The following ZNF559 variants were observed in gnomAD, a reference collection of about 807,000 sequenced individuals.
The protein encoded by ZNF559 is zinc finger protein 559, also known as putative protein product of Nbla00121.
In ZNF559, 17 loss-of-function variants were observed where a neutral mutation model predicts 14.2. The ratio of observed to expected loss-of-function variants is 1.20; its 90% CI spans 0.82 to 1.80. The LOEUF (loss-of-function observed/expected upper bound fraction) is 1.80. ZNF559 is among the 40% of genes most tolerant of loss of function. The pLI, the probability that ZNF559 is intolerant of heterozygous loss-of-function variation, is 0.00. For synonymous variants in ZNF559, 244 were observed against 212.4 expected (o/e 1.15, Z -1.29); for missense variants, 740 against 629.7 (o/e 1.18, Z -1.88).
At chr19:9,338,166 C>T in intron 3 of ZNF559, 1 of 750,574 alleles carries the variant, frequency 1.3e-6, no homozygotes, top group Non-Finnish European at 2.2e-6. Context: ...TGGTCTAAAT[C>T]CTGGGATTTG....
intron 6 of ZNF559, 193 bp downstream of exon 6, chr19:9,341,377 G>T (rs1276248213): frequency 1.3e-6 from 1 of 758,984 alleles, no homozygotes; most frequent in East Asian, 2.7e-5. Flanking sequence ...GAATATATTT[G>T]TTTACATATT....
intron 2 of ZNF559, among the ~76,000 whole-genome samples, chr19:9,326,287 A>G (rs2066598854): frequency 6.6e-6 from 1 of 151,856 alleles, no homozygotes. Context: ...TTGTATTTTT[A>G]GTAGAGACAG....
chr19:9,334,849 T>TCATG (rs2067139994), intron 2 of ZNF559, among the ~76,000 whole-genome samples: 1 of 152,048 alleles, frequency 6.6e-6, no homozygotes, highest in African/African-American at 2.4e-5. Context: ...AATTGGCTGG[T>TCATG]CATGGCCAGG....
chr19:9,327,162 G>A (rs564790425), intron 2 of ZNF559, among the ~76,000 whole-genome samples: 1 of 152,216 alleles, frequency 6.6e-6, no homozygotes, highest in East Asian at 1.9e-4. Flanking sequence ...TAATCTATAA[G>A]TGATACTTTG....
rs1270501647 is a variant in ZNF559, at chr19:9,328,440, A to ACCTCCC, written c.-120+3661_-120+3666dup. ...GCAATCTCGGCTCACTGCAACCTCC[A>ACCTCCC]CCTCCCGGGTTCAAGTGATTCTCCT... On this transcript the variant is annotated intron_variant, in intron 2 of 6. Transcript: ENST00000603380. Among the ~76,000 whole-genome samples the ACCTCCC allele has an allele frequency of 5.4e-5, 7 of 128,518 alleles. No homozygotes were observed. In the South Asian group the frequency reaches 1.7e-3, roughly 31 times the overall value. The allele number at this position is 128,518 out of a possible 152,430, so 84.3% of individuals were successfully genotyped here. A position where few individuals can be genotyped will look rare whatever the true frequency, so the allele number is the denominator to read the frequency against.
intron 2 of ZNF559, among the ~76,000 whole-genome samples, chr19:9,336,263 A>G (rs2067232700): frequency 6.6e-6 from 1 of 151,936 alleles, no homozygotes; most frequent in African/African-American, 2.4e-5. Context: ...CCATTCATCT[A>G]TTTTTTTCCA....
At chr19:9,326,307 G>C (rs904142740) in intron 2 of ZNF559, among the ~76,000 whole-genome samples, 4 of 151,836 alleles carry the variant, frequency 2.6e-5, no homozygotes, top group Admixed American at 2.6e-4. Context: ...GGGTTTCACC[G>C]TGTTGGCCAG....
intron 6 of ZNF559, 79 bp downstream of exon 6, chr19:9,341,263 A>G: frequency 1.4e-6 from 2 of 1,385,440 alleles, no homozygotes; most frequent in South Asian, 1.2e-5. Flanking sequence ...AAAGCAGCAC[A>G]ATAACCTTGA....
At chr19:9,333,262 A>G (rs913878619) in intron 2 of ZNF559, 1 of 152,256 alleles carries the variant, frequency 6.6e-6, no homozygotes, top group Non-Finnish European at 1.5e-5. Context: ...GCCCAGCCAG[A>G]AAATTTTAAA....
rs1435476807 is a variant in ZNF559, at chr19:9,342,576, C to T, written c.1125C>T (p.His375=). The T allele has an allele frequency of 6.2e-7, 1 of 1,613,888 alleles. No individual in the cohort carries two copies. Among genetic ancestry groups the T allele is most frequent in the Non-Finnish European group, 8.5e-7 (1 of 1,179,962 alleles). Residue 375 remains histidine, a synonymous_variant, in exon 7 of 7, where the codon CAC becomes CAT. Transcript: ENST00000603380. ...ATCTTACTGTACATATGAGAACTCA[C>T]ACTGGTGAGAAGCCTTATCAATGTA... ...SSHLTVHMRT[H]TGEKPYQCKE... is the part of the protein sequence containing the mutation.
intron 2 of ZNF559, among the ~76,000 whole-genome samples, chr19:9,332,588 C>T (rs908381401): frequency 2.0e-5 from 3 of 152,082 alleles, no homozygotes; most frequent in Admixed American, 2.0e-4. Flanking sequence ...ATACTATGGT[C>T]TAATATTAGG....
Position 9,344,312 on chromosome 19 carries a change from A to C in ZNF559, c.*1244A>C, listed in dbSNP as rs1484739610. 2.0e-5 allele frequency: 3 copies of C among 152,114 alleles called. No homozygotes were observed. The highest frequency in any genetic ancestry group is 7.2e-5 in the African/African-American group (3 of 41,430). 9.4% of individuals were successfully genotyped at this position (152,114 alleles called of 1,614,324 possible). On this transcript the variant is annotated 3_prime_UTR_variant, in exon 7 of 7. Coordinates refer to ENST00000603380, the MANE Select transcript of ZNF559 (RefSeq NM_032497.3). The stretch of plus-strand genomic sequence containing the variant: ...AAACTTAGTTATAGGGAATTGAGGA[A>C]CATTTAGGGGTACAAATTTTCACTT...
In ZNF559 at chr19:9,343,343, A is replaced by G. The variant is rs922357402; in HGVS notation, c.*275A>G. Reference sequence around the variant, plus strand: ...GGAAACCTGTCGATGCTTACATCTTACTGAGTCTGTTTGAACTCATGCTGG... The same window carrying G: ...GGAAACCTGTCGATGCTTACATCTTGCTGAGTCTGTTTGAACTCATGCTGG... On this transcript the variant is annotated 3_prime_UTR_variant, in exon 7 of 7. Transcript: ENST00000603380. 9 of 1,204,816 alleles carry G rather than the reference A, an allele frequency of 7.5e-6. No homozygotes were observed. Among genetic ancestry groups the G allele is most frequent in the Non-Finnish European group, 1.0e-6 (1 of 964,652 alleles). 74.6% of individuals were successfully genotyped at this position (1,204,816 alleles called of 1,614,324 possible). A position where few individuals can be genotyped will look rare whatever the true frequency, so the allele number is the denominator to read the frequency against.
Position 9,324,197 on chromosome 19 carries a change from A to C in ZNF559, c.-237A>C, listed in dbSNP as rs2066431322. ...TGGGCGCATGCGCATAACGGCCGCC[A>C]TCTTAACAGCGCGTTCCCGTTGGCG... On this transcript the variant is annotated 5_prime_UTR_variant, in exon 1 of 7. Transcript: ENST00000603380. 1.3e-6 allele frequency: 2 copies of C among 1,535,922 alleles called. No homozygotes were observed. Among genetic ancestry groups the C allele is most frequent in the Non-Finnish European group, 1.7e-6 (2 of 1,146,872 alleles).
At chr19:9,339,150 G>T in intron 4 of ZNF559, 43 bp from the exon 5 acceptor site, 9 of 1,611,416 alleles carry the variant, frequency 5.6e-6, no homozygotes, top group Non-Finnish European at 7.6e-6. Context: ...CAACATAGTG[G>T]AGAACGTACT....
In ZNF559 at chr19:9,338,596, T is replaced by A; in HGVS notation, c.33+14T>A. ...AATTACTCTCAGGTAAGTAGGAAATTGCTTTTTCTGTAGAAGCATATGCTT... is the reference window on the plus strand; with the variant it reads ...AATTACTCTCAGGTAAGTAGGAAATAGCTTTTTCTGTAGAAGCATATGCTT... On this transcript the variant is annotated intron_variant, in intron 4 of 6. Coordinates refer to ENST00000603380, the MANE Select transcript of ZNF559 (RefSeq NM_032497.3). 2 of 1,597,098 alleles carry A rather than the reference T, an allele frequency of 1.3e-6. No homozygotes were observed. The highest frequency in any genetic ancestry group is 1.7e-6 in the Non-Finnish European group (2 of 1,164,672).
At chr19:9,339,380 C>CT (rs1027781577) in intron 5 of ZNF559, 61 bp downstream of exon 5, 255 of 1,539,410 alleles carry the variant, frequency 1.7e-4, no homozygotes, top group Middle Eastern at 5.3e-4. Flanking sequence ...TCTTAAGTAA[C>CT]TATGTTCTAG....
rs1395762762 is a variant in ZNF559, at chr19:9,345,378, C to T, written c.*2310C>T. On this transcript the variant is annotated 3_prime_UTR_variant, in exon 7 of 7. Coordinates refer to ENST00000603380, the MANE Select transcript of ZNF559 (RefSeq NM_032497.3). The stretch of plus-strand genomic sequence containing the variant: ...TTTAAGTTTTTAAGAGACTGCTAAA[C>T]CTTTCTCAAGTAGTTATGCCATTTG... 1 of 152,170 alleles carries T rather than the reference C, an allele frequency of 6.6e-6. No individual in the cohort carries two copies. Among genetic ancestry groups the T allele is most frequent in the Non-Finnish European group, 1.5e-5 (1 of 68,040 alleles). 9.4% of individuals were successfully genotyped at this position (152,170 alleles called of 1,614,324 possible). A position where few individuals can be genotyped will look rare whatever the true frequency, so the allele number is the denominator to read the frequency against.
At chr19:9,327,996 CACAGTGGACATCTATGGCCTT>C (rs1246601447) in intron 2 of ZNF559, among the ~76,000 whole-genome samples, 2 of 152,256 alleles carry the variant, frequency 1.3e-5, no homozygotes, top group South Asian at 2.1e-4. Flanking sequence ...GTGATAGGCC[CACAGTGGACATCTATGGCCTT>C]ACAGTGGACA....
Sources: allele counts gnomAD v4.1 joint callset (sites outside exome capture counted in the v4.1 genomes callset), GRCh38; gene constraint gnomAD v4.1.1; transcripts MANE v1.5; gene names NCBI Gene and HGNC (gene_info 2026-07-23, HGNC 2026-07-21).